IL2RB: variants seen among roughly 807,000 people sequenced by gnomAD.
IL2RB encodes the protein interleukin-2 receptor subunit beta.
A neutral mutation model predicts 44.2 loss-of-function variants in IL2RB; 17 were observed. That is an observed-to-expected ratio of 0.38 (90% confidence interval 0.26 to 0.58). The LOEUF (loss-of-function observed/expected upper bound fraction) is 0.58. Among genes scored for constraint, IL2RB ranks in the 20% least tolerant of loss-of-function variants. The pLI, the probability that IL2RB is intolerant of heterozygous loss-of-function variation, is 0.63. For missense variants in IL2RB, 624 were observed against 685.5 expected (o/e 0.91, Z 1.00); for synonymous variants, 286 against 297.9 (o/e 0.96, Z 0.41).
chr22:37,134,429 A>AC (rs1396712365), intron 8 of IL2RB, among the ~76,000 whole-genome samples: 1 of 151,992 alleles, frequency 6.6e-6, no homozygotes, highest in Non-Finnish European at 1.5e-5. Flanking sequence ...ACATGGTGAA[A>AC]CCCCGTCTGT....
Position 37,143,884 on chromosome 22 carries a change from C to CGTGTGTGT in IL2RB, c.88+193_88+200dup, listed in dbSNP as rs55819516. On this transcript the variant is annotated intron_variant, in intron 2 of 9. Coordinates refer to ENST00000216223, the MANE Select transcript of IL2RB (RefSeq NM_000878.5). The stretch of plus-strand genomic sequence containing the variant: ...AGCACAAGCCTGTGGCTTGGAGAGG[C>CGTGTGTGT]GTGTGTGTGTGTGTGTGTGTGTGTG... 7.0e-3 allele frequency among the ~76,000 whole-genome samples: 980 copies of CGTGTGTGT among 139,816 alleles called. 7 individuals carry two copies. Among genetic ancestry groups the CGTGTGTGT allele is most frequent in the African/African-American group, 0.026 (896 of 34,598 alleles). 91.7% of individuals were successfully genotyped at this position (139,816 alleles called of 152,430 possible).
chr22:37,155,639 C>T (rs892699681), intron 1 of IL2RB, among the ~76,000 whole-genome samples: 4 of 152,174 alleles, frequency 2.6e-5, no homozygotes, highest in African/African-American at 7.2e-5. Context: ...AGAGGACATC[C>T]GATTCTCTCT....
intron 4 of IL2RB, among the ~76,000 whole-genome samples, chr22:37,142,054 C>T (rs1043301499): frequency 3.3e-5 from 5 of 152,120 alleles, no homozygotes; most frequent in Non-Finnish European, 7.4e-5. Flanking sequence ...ACACCCTTCA[C>T]CCCCCACACT....
chr22:37,144,693 G>A (rs545156158), intron 1 of IL2RB, among the ~76,000 whole-genome samples: 115 of 152,236 alleles, frequency 7.6e-4, no homozygotes, highest in Non-Finnish European at 1.2e-3. Flanking sequence ...GCAGTGAACC[G>A]AGATGGCACC....
chr22:37,159,418 G>C (rs1462184455), intron 1 of IL2RB, among the ~76,000 whole-genome samples: 3 of 152,120 alleles, frequency 2.0e-5, no homozygotes, highest in African/African-American at 7.2e-5. Context: ...ACCAGAAGCG[G>C]CCACCCTGGG....
At chr22:37,143,897 G>GTA (rs1263304250) in intron 2 of IL2RB, among the ~76,000 whole-genome samples, 188 bp downstream of exon 2, 1 of 124,294 alleles carries the variant, frequency 8.0e-6, no homozygotes, top group Non-Finnish European at 1.6e-5. Flanking sequence ...GTGTGTGTGT[G>GTA]TGTGTGTGTG....
intron 1 of IL2RB, among the ~76,000 whole-genome samples, chr22:37,166,557 C>T (rs28374064): frequency 0.032 from 4,859 of 152,286 alleles, 272 homozygotes; most frequent in African/African-American, 0.11. Context: ...ACATCCACGA[C>T]ACCTTCTCCC....
chr22:37,145,606 C>T (rs188096053), intron 1 of IL2RB, among the ~76,000 whole-genome samples: 25 of 151,864 alleles, frequency 1.6e-4, no homozygotes, highest in African/African-American at 4.3e-4. Flanking sequence ...ATGGTCACTT[C>T]GGGAAGATAA....
In IL2RB at chr22:37,143,679, C is replaced by A. The variant is rs530358193; in HGVS notation, c.89-44G>T. ...TGTGAGTGCTGACTGTAGGTGCCCA[C>A]AGCCCCCCCAAGACACGCCCACTGC... On this transcript the variant is annotated intron_variant, in intron 2 of 9. Coordinates refer to ENST00000216223, the MANE Select transcript of IL2RB (RefSeq NM_000878.5). The A allele has an allele frequency of 3.5e-4, 489 of 1,384,288 alleles. 3 individuals are homozygous for A. In the South Asian group the frequency reaches 5.5e-3, roughly 16 times the overall value. The allele number at this position is 1,384,288 out of a possible 1,614,324, so 85.8% of individuals were successfully genotyped here.
At chr22:37,136,124 T>C (rs2146234732) in intron 7 of IL2RB, 104 bp downstream of exon 7, 2 of 1,247,404 alleles carry the variant, frequency 1.6e-6, no homozygotes, top group East Asian at 2.5e-5. Flanking sequence ...GGGATGGAGC[T>C]GACTGCTATA....
intron 1 of IL2RB, among the ~76,000 whole-genome samples, chr22:37,160,346 G>A (rs765428381): frequency 6.6e-6 from 1 of 152,204 alleles, no homozygotes; most frequent in Non-Finnish European, 1.5e-5. Flanking sequence ...GGAGAAGGTG[G>A]GGGCTAACAG....
intron 1 of IL2RB, among the ~76,000 whole-genome samples, chr22:37,156,470 C>T (rs2146259206): frequency 6.6e-6 from 1 of 152,290 alleles, no homozygotes; most frequent in African/African-American, 2.4e-5. Flanking sequence ...TGTCAGGATC[C>T]TGAGCTAAAT....
chr22:37,143,935 G>A (rs1178386924), intron 2 of IL2RB, 150 bp downstream of exon 2: 3 of 909,644 alleles, frequency 3.3e-6, no homozygotes, highest in East Asian at 2.7e-5. Flanking sequence ...ATTCATGCAT[G>A]CATGCCAGGG....
intron 1 of IL2RB, among the ~76,000 whole-genome samples, chr22:37,147,665 GTCCCAGAGGTAAGGCTGCCACCCTCTCT>G (rs1402914506): frequency 2.0e-5 from 3 of 152,204 alleles, no homozygotes; most frequent in African/African-American, 7.2e-5. Flanking sequence ...CCAGACACTG[GTCCCAGAGGTAAGGCTGCCACCCTCTCT>G]GTCCTGGGAG....
intron 9 of IL2RB, 79 bp downstream of exon 9, chr22:37,132,305 A>T: frequency 8.8e-7 from 1 of 1,140,060 alleles, no homozygotes; most frequent in Non-Finnish European, 1.3e-6. Flanking sequence ...CACAAAACAC[A>T]AAATTAGCTA....
intron 1 of IL2RB, among the ~76,000 whole-genome samples, chr22:37,148,864 T>A (rs1601606249): frequency 6.6e-6 from 1 of 151,996 alleles, no homozygotes; most frequent in Admixed American, 6.6e-5. Flanking sequence ...GGCAGGGTGG[T>A]AAAGCAGGAG....
At chr22:37,145,745 T>A (rs2146247889) in intron 1 of IL2RB, among the ~76,000 whole-genome samples, 1 of 151,934 alleles carries the variant, frequency 6.6e-6, no homozygotes, top group East Asian at 1.9e-4. Context: ...GAGGAGCAGG[T>A]GAGTCAAGAG....
chr22:37,137,161 A>G (rs1411862121), intron 6 of IL2RB, among the ~76,000 whole-genome samples: 1 of 152,202 alleles, frequency 6.6e-6, no homozygotes, highest in African/African-American at 2.4e-5. Flanking sequence ...CATTCAGCGC[A>G]TAGTAGGTGC....
At chr22:37,130,211 C>G (rs953756843) in intron 9 of IL2RB, among the ~76,000 whole-genome samples, 1 of 152,334 alleles carries the variant, frequency 6.6e-6, no homozygotes, top group African/African-American at 2.4e-5. Context: ...AAGCACTGGT[C>G]GGGTGAGATT....
Sources: allele counts gnomAD v4.1 joint callset (sites outside exome capture counted in the v4.1 genomes callset), GRCh38; gene constraint gnomAD v4.1.1; transcripts MANE v1.5; gene names NCBI Gene and HGNC (gene_info 2026-07-23, HGNC 2026-07-21).